NAAA: variants seen among roughly 807,000 people sequenced by gnomAD.
NAAA encodes N-acylethanolamine-hydrolyzing acid amidase.
In NAAA, 39 loss-of-function variants were observed where a neutral mutation model predicts 44.8. That is an observed-to-expected ratio of 0.87 (90% CI 0.67 to 1.14). NAAA has a LOEUF of 1.14. Among genes scored for constraint, NAAA ranks in the 50% most tolerant of loss-of-function variants. The pLI is 0.00. For missense variants in NAAA, 460 were observed against 467.8 expected, an observed-to-expected ratio of 0.98 and a Z score of 0.15; for synonymous variants, 178 against 191.3, an observed-to-expected ratio of 0.93 and a Z score of 0.58.
At chr4:75,937,010 G>A (rs1727781993) in intron 2 of NAAA, among the ~76,000 whole-genome samples, 1 of 152,154 alleles carries the variant, frequency 6.6e-6, no homozygotes, top group African/African-American at 2.4e-5. Context: ...ATAACAGGAT[G>A]GTGGTTAGCT....
Position 75,940,802 on chromosome 4 carries a change from G to T in NAAA, c.148C>A (p.Pro50Thr). 6.3e-7 allele frequency: 1 copy of T among 1,598,622 alleles called. No homozygotes were observed. ...TCCAAGTCGTAGTGCCGCAGCACGG[G>T]CAGCCAGCGCAGCTCGGGGACCGAG... The part of the protein sequence containing the change: ...LDSVPELRWL[P>T]VLRHYDLDLV... Residue 50 changes from proline (P) to threonine (T), a missense_variant, in exon 1 of 11, where the codon CCC (proline) becomes ACC (threonine). Transcript: ENST00000286733.
downstream of NAAA, among the ~76,000 whole-genome samples, chr4:75,912,823 G>C (rs980294936): frequency 3.3e-5 from 5 of 152,110 alleles, no homozygotes; most frequent in African/African-American, 9.7e-5. Flanking sequence ...ATGGCTGTGT[G>C]ATGTGTGATA....
At chr4:75,926,616 T>A (rs1438088908) in intron 4 of NAAA, among the ~76,000 whole-genome samples, 1 of 149,160 alleles carries the variant, frequency 6.7e-6, no homozygotes, top group East Asian at 2.0e-4. Flanking sequence ...ATTCACAGAT[T>A]GAGAGAAAAT....
intron 3 of NAAA, among the ~76,000 whole-genome samples, chr4:75,934,671 G>T (rs946709013): frequency 6.6e-6 from 1 of 152,066 alleles, no homozygotes; most frequent in Non-Finnish European, 1.5e-5. Flanking sequence ...AATGAGAGAT[G>T]AATTATTTTG....
Position 75,913,947 on chromosome 4 carries a change from T to C in NAAA, c.*428A>G. The C allele has an allele frequency of 5.1e-6, 5 of 985,452 alleles. No homozygotes were observed. The highest frequency in any genetic ancestry group is 6.0e-6 in the Non-Finnish European group (5 of 829,936). The allele number at this position is 985,452 out of a possible 1,614,324, so 61.0% of individuals were successfully genotyped here. A position where few individuals can be genotyped will look rare whatever the true frequency, so the allele number is the denominator to read the frequency against. ...TCCATTTCTTTCAGATGAGCCTTTT[T>C]TCTTAGGCTCTTTCAGAAGCACTTC... On this transcript the variant is annotated 3_prime_UTR_variant, in exon 11 of 11. Transcript: ENST00000286733.
At chr4:75,918,580 T>C (rs1408145840) in intron 9 of NAAA, among the ~76,000 whole-genome samples, 181 bp downstream of exon 9, 1 of 152,016 alleles carries the variant, frequency 6.6e-6, no homozygotes, top group Non-Finnish European at 1.5e-5. Flanking sequence ...CCACCCATAT[T>C]AGTCCCATGA....
intron 4 of NAAA, 88 bp downstream of exon 4, chr4:75,931,126 G>A: frequency 9.7e-7 from 1 of 1,035,350 alleles, no homozygotes; most frequent in Non-Finnish European, 1.5e-6. Flanking sequence ...TGGGTGTTCT[G>A]TATATTCTGT....
intron 4 of NAAA, among the ~76,000 whole-genome samples, chr4:75,927,642 C>A (rs116386503): frequency 0.15 from 17,325 of 116,476 alleles, 2,025 homozygotes; most frequent in African/African-American, 0.27. Context: ...TGCCCCCCCC[C>A]CCCCCGCCAA....
chr4:75,925,407 T>C (rs142393342), intron 5 of NAAA, among the ~76,000 whole-genome samples: 148 of 152,274 alleles, frequency 9.7e-4, no homozygotes, highest in African/African-American at 3.1e-3. Context: ...CCTTTCCACT[T>C]TTCACTTCTC....
chr4:75,936,369 G>T, intron 2 of NAAA, 134 bp from the exon 3 acceptor site: 2 of 934,230 alleles, frequency 2.1e-6, no homozygotes, highest in Non-Finnish European at 3.2e-6. Flanking sequence ...GTGCTATAAT[G>T]CTTGTATAAG....
At chr4:75,924,131 T>C (rs1325109689) in intron 5 of NAAA, among the ~76,000 whole-genome samples, 1 of 152,232 alleles carries the variant, frequency 6.6e-6, no homozygotes. Flanking sequence ...ACTTCCACTC[T>C]TAACCTCACA....
At chr4:75,937,582 C>A (rs932273132) in intron 2 of NAAA, among the ~76,000 whole-genome samples, 1 of 152,174 alleles carries the variant, frequency 6.6e-6, no homozygotes, top group Non-Finnish European at 1.5e-5. Context: ...ACTTCCCGGG[C>A]TGAAGCGATC....
chr4:75,917,126 C>CA, intron 9 of NAAA: 2 of 952,638 alleles, frequency 2.1e-6, no homozygotes, highest in Non-Finnish European at 2.5e-6. Context: ...TATAAGAACA[C>CA]AAAAGTAGTT....
intron 1 of NAAA, among the ~76,000 whole-genome samples, chr4:75,940,471 G>C (rs1728165942): frequency 6.6e-6 from 1 of 152,214 alleles, no homozygotes; most frequent in Non-Finnish European, 1.5e-5. Context: ...CCCCTCCTTG[G>C]TAGCTATGCA....
chr4:75,930,435 A>G (rs1727125172), intron 4 of NAAA: 1 of 511,218 alleles, frequency 2.0e-6, no homozygotes, highest in Non-Finnish European at 3.9e-6. Flanking sequence ...TGCCTAACGA[A>G]TGGAGTTAAA....
At position 75,940,825 on chromosome 4, in the gene NAAA, GAGT is replaced by G. The variant is rs1728216063; in HGVS notation, c.122_124del (p.Asp41_Ser42delinsAla). The G allele has an allele frequency of 3.8e-6, 6 of 1,596,284 alleles. No homozygotes were observed. The highest frequency in any genetic ancestry group is 3.3e-4 in the Middle Eastern group (2 of 6,042). ...GGGCAGCCAGCGCAGCTCGGGGACC[GAGT>G]CCAGGCTCACGTTGAAGCGCGGCGC... On this transcript the variant is annotated inframe_deletion, in exon 1 of 11. Coordinates refer to ENST00000286733, the MANE Select transcript of NAAA (RefSeq NM_014435.4).
At chr4:75,940,666 G>T in intron 1 of NAAA, 78 bp downstream of exon 1, 1 of 1,430,764 alleles carries the variant, frequency 7.0e-7, no homozygotes, top group South Asian at 1.3e-5. Flanking sequence ...CCCGTTTAAA[G>T]CACTCTGAGC....
chr4:75,926,810 G>T (rs888821050), intron 4 of NAAA, among the ~76,000 whole-genome samples: 3 of 152,060 alleles, frequency 2.0e-5, no homozygotes, highest in African/African-American at 7.2e-5. Context: ...TTTTAGATCA[G>T]CCTGGGGAAA....
Position 75,914,849 on chromosome 4 carries a change from C to A in NAAA, c.*36+19G>T. On this transcript the variant is annotated intron_variant, in intron 10 of 10. Coordinates refer to ENST00000286733, the MANE Select transcript of NAAA (RefSeq NM_014435.4). ...ACACACCCACCTCACCCCCTCTCCA[C>A]AAAACAGTAACAACAAACCTTTCAC... The A allele has an allele frequency of 6.3e-7, 1 of 1,591,936 alleles. No homozygotes were observed. Among genetic ancestry groups the A allele is most frequent in the East Asian group, 2.2e-5 (1 of 44,710 alleles).
Sources: gnomAD v4.1 joint callset for allele counts (sites outside exome capture counted in the v4.1 genomes callset) on GRCh38, gnomAD v4.1.1 for gene constraint, MANE v1.5 for transcripts, NCBI Gene and HGNC (gene_info 2026-07-23, HGNC 2026-07-21) for gene names.